Variants in FAM171A1 observed in about 807,000 individuals in gnomAD.
FAM171A1 encodes family with sequence similarity 171 member A1.
FAM171A1 carries 23 observed loss-of-function variants against 74.9 expected under a neutral mutation model. That is an observed-to-expected ratio of 0.31 (90% CI 0.22 to 0.44). The LOEUF (loss-of-function observed/expected upper bound fraction) is 0.44. Ranked by LOEUF, FAM171A1 falls within the 20% of genes least tolerant of loss-of-function variation. FAM171A1 has a pLI of 1.00. For synonymous variants in FAM171A1, 527 were observed against 505.7 expected, an observed-to-expected ratio of 1.04 and a Z score of -0.57; for missense variants, 1,162 against 1,159.2, an observed-to-expected ratio of 1.00 and a Z score of -0.03.
chr10:15,306,610 C>A (rs961475820), intron 1 of FAM171A1, among the ~76,000 whole-genome samples: 1 of 152,176 alleles, frequency 6.6e-6, no homozygotes, highest in Non-Finnish European at 1.5e-5. Context: ...AGGTGATCCA[C>A]CCGCCTCAGC....
intron 1 of FAM171A1, among the ~76,000 whole-genome samples, chr10:15,312,682 T>G (rs1383563232): frequency 0.034 from 1,631 of 48,360 alleles, 128 homozygotes; most frequent in Admixed American, 0.055. Context: ...TGTTTTTTTT[T>G]TTTTTTTTTT....
intron 1 of FAM171A1, among the ~76,000 whole-genome samples, chr10:15,357,270 G>A (rs373819394): frequency 2.5e-4 from 38 of 152,230 alleles, no homozygotes; most frequent in African/African-American, 8.7e-4. Context: ...GTGACAGAGC[G>A]AGACTCCGTC....
At chr10:15,342,018 A>G (rs1835770179) in intron 1 of FAM171A1, among the ~76,000 whole-genome samples, 1 of 152,212 alleles carries the variant, frequency 6.6e-6, no homozygotes, top group Non-Finnish European at 1.5e-5. Flanking sequence ...CTGATCCACT[A>G]GTTCTGCAGC....
intron 1 of FAM171A1, among the ~76,000 whole-genome samples, chr10:15,287,597 G>A (rs1290848076): frequency 2.0e-5 from 3 of 151,544 alleles, no homozygotes; most frequent in Admixed American, 6.6e-5. Context: ...CACGTTGGCC[G>A]GGATGGTCTT....
intron 3 of FAM171A1, among the ~76,000 whole-genome samples, chr10:15,264,716 G>C (rs1204800129): frequency 6.6e-6 from 1 of 152,102 alleles, no homozygotes; most frequent in East Asian, 1.9e-4. Context: ...TGGGGAGGCA[G>C]AGGGTGCAGT....
chr10:15,291,937 C>T (rs1182668641), intron 1 of FAM171A1, among the ~76,000 whole-genome samples: 3 of 152,134 alleles, frequency 2.0e-5, no homozygotes, highest in African/African-American at 4.8e-5. Context: ...AAATTTTCAA[C>T]ATGGAAATTC....
intron 1 of FAM171A1, among the ~76,000 whole-genome samples, chr10:15,349,101 T>C (rs1014103704): frequency 6.6e-6 from 1 of 152,158 alleles, no homozygotes; most frequent in African/African-American, 2.4e-5. Flanking sequence ...ACAACAGTTG[T>C]TAAGTTGTTA....
At chr10:15,238,096 A>G (rs2131743223) in intron 5 of FAM171A1, among the ~76,000 whole-genome samples, 1 of 152,340 alleles carries the variant, frequency 6.6e-6, no homozygotes, top group Middle Eastern at 3.4e-3. Flanking sequence ...CTTGGTAAAG[A>G]AATGAACTCC....
At chr10:15,275,488 G>A (rs1208516416) in intron 3 of FAM171A1, among the ~76,000 whole-genome samples, 1 of 151,348 alleles carries the variant, frequency 6.6e-6, no homozygotes, top group Non-Finnish European at 1.5e-5. Context: ...GTAGAGATGG[G>A]GTTTCATCAT....
chr10:15,291,743 C>T (rs1196357095), intron 1 of FAM171A1, among the ~76,000 whole-genome samples: 1 of 152,166 alleles, frequency 6.6e-6, no homozygotes, highest in African/African-American at 2.4e-5. Context: ...ACTTGCTAAA[C>T]TTTCCCCATT....
chr10:15,270,483 C>T (rs1834808913), intron 3 of FAM171A1, among the ~76,000 whole-genome samples: 1 of 152,222 alleles, frequency 6.6e-6, no homozygotes, highest in South Asian at 2.1e-4. Context: ...GCAGCAGAAA[C>T]TTCTGCAGAC....
At chr10:15,225,057 G>A (rs1228773696) in intron 5 of FAM171A1, among the ~76,000 whole-genome samples, 1 of 152,232 alleles carries the variant, frequency 6.6e-6, no homozygotes, top group Non-Finnish European at 1.5e-5. Flanking sequence ...TCCTGGGCAA[G>A]TGTTACTGCA....
chr10:15,265,703 C>T (rs1392135564), intron 3 of FAM171A1, among the ~76,000 whole-genome samples: 1 of 149,416 alleles, frequency 6.7e-6, no homozygotes, highest in East Asian at 2.0e-4. Context: ...ATGAATTACT[C>T]ATTGGGTGTC....
intron 1 of FAM171A1, among the ~76,000 whole-genome samples, chr10:15,370,248 T>C (rs1163045341): frequency 2.0e-5 from 3 of 150,562 alleles, no homozygotes; most frequent in African/African-American, 4.9e-5. Context: ...TTCTTTTTTT[T>C]TTTTTTTTTT....
At chr10:15,297,021 C>T (rs1481204083) in intron 1 of FAM171A1, among the ~76,000 whole-genome samples, 6 of 152,100 alleles carry the variant, frequency 3.9e-5, no homozygotes, top group South Asian at 2.1e-4. Flanking sequence ...TGGCTCCTAC[C>T]GGCTGCTCAT....
chr10:15,364,450 C>T (rs113511924), intron 1 of FAM171A1, among the ~76,000 whole-genome samples: 1 of 152,164 alleles, frequency 6.6e-6, no homozygotes, highest in African/African-American at 2.4e-5. Flanking sequence ...AAACTCCATG[C>T]GTTTTTCCAA....
At chr10:15,350,801 C>T (rs954773776) in intron 1 of FAM171A1, among the ~76,000 whole-genome samples, 6 of 152,124 alleles carry the variant, frequency 3.9e-5, no homozygotes, top group African/African-American at 1.4e-4. Flanking sequence ...TACCACCACG[C>T]CTGGCTGATT....
intron 1 of FAM171A1, among the ~76,000 whole-genome samples, chr10:15,288,767 C>T (rs1376948308): frequency 1.4e-5 from 2 of 144,412 alleles, no homozygotes; most frequent in Non-Finnish European, 3.0e-5. Context: ...TAGTTCTTCG[C>T]TTGGTATGAT....
At chr10:15,295,618 T>C (rs1835152552) in intron 1 of FAM171A1, among the ~76,000 whole-genome samples, 1 of 152,246 alleles carries the variant, frequency 6.6e-6, no homozygotes, top group Non-Finnish European at 1.5e-5. Flanking sequence ...TGTTCTGGGA[T>C]TTTCATTTTT....
Sources: allele counts gnomAD v4.1 joint callset (sites outside exome capture counted in the v4.1 genomes callset), GRCh38; gene constraint gnomAD v4.1.1; transcripts MANE v1.5; gene names NCBI Gene and HGNC (gene_info 2026-07-23, HGNC 2026-07-21).